The following PELI1 variants were observed in gnomAD, a reference collection of about 807,000 sequenced individuals.
The protein encoded by PELI1 is E3 ubiquitin-protein ligase pellino homolog 1.
In PELI1, 15 loss-of-function variants were observed where a neutral mutation model predicts 41.3. The ratio of observed to expected loss-of-function variants is 0.36; its 90% CI spans 0.24 to 0.56. The LOEUF (loss-of-function observed/expected upper bound fraction) is 0.56, where lower values mean the gene tolerates loss of function less well. PELI1 is among the 20% of genes least tolerant of loss of function. PELI1 has a pLI of 0.82. For missense variants in PELI1, 403 were observed against 525.5 expected (o/e 0.77, Z 2.28); for synonymous variants, 178 against 180.1 (o/e 0.99, Z 0.09).
At chr2:64,130,490 G>A (rs1681520842) in intron 1 of PELI1, among the ~76,000 whole-genome samples, 1 of 151,996 alleles carries the variant, frequency 6.6e-6, no homozygotes, top group African/African-American at 2.4e-5. Flanking sequence ...TCTTTTTTGA[G>A]CTCCCATAGT....
At chr2:64,125,316 C>A (rs1302905079) in intron 1 of PELI1, among the ~76,000 whole-genome samples, 1 of 152,108 alleles carries the variant, frequency 6.6e-6, no homozygotes, top group African/African-American at 2.4e-5. Context: ...CCCTAAGTTA[C>A]CTATTATGAT....
Position 64,093,219 on chromosome 2 carries a change from A to C in PELI1, c.*1483T>G, listed in dbSNP as rs1402773337. ...ACAAGTTTTGTTTTTTAAAAACCAA[A>C]AGAAAATTCAGAACAGTTTTGTAAT... On this transcript the variant is annotated 3_prime_UTR_variant, in exon 7 of 7. Coordinates refer to ENST00000358912, the MANE Select transcript of PELI1 (RefSeq NM_020651.4). The C allele has an allele frequency of 2.0e-5, 3 of 152,666 alleles. No individual in the cohort carries two copies. Among genetic ancestry groups the C allele is most frequent in the African/African-American group, 7.2e-5 (3 of 41,472 alleles). 9.5% of individuals were successfully genotyped at this position (152,666 alleles called of 1,614,324 possible). A position where few individuals can be genotyped will look rare whatever the true frequency, so the allele number is the denominator to read the frequency against.
At chr2:64,140,888 A>G (rs1681892773) in intron 1 of PELI1, among the ~76,000 whole-genome samples, 1 of 150,604 alleles carries the variant, frequency 6.6e-6, no homozygotes, top group Non-Finnish European at 1.5e-5. Context: ...AGGTTCCCAC[A>G]CATTAGTCTA....
chr2:64,117,754 A>G (rs977689958), intron 1 of PELI1, among the ~76,000 whole-genome samples: 17 of 152,316 alleles, frequency 1.1e-4, no homozygotes, highest in African/African-American at 4.1e-4. Context: ...TTGGGTCACA[A>G]AAAGTTTTCA....
At chr2:64,114,801 G>A (rs1049731237) in intron 1 of PELI1, among the ~76,000 whole-genome samples, 2 of 152,104 alleles carry the variant, frequency 1.3e-5, no homozygotes, top group African/African-American at 2.4e-5. Flanking sequence ...TTCTAGTTGT[G>A]ACTTTAAAAA....
At chr2:64,105,846 T>C (rs1356803088) in intron 2 of PELI1, among the ~76,000 whole-genome samples, 1 of 152,028 alleles carries the variant, frequency 6.6e-6, no homozygotes, top group East Asian at 1.9e-4. Flanking sequence ...CTACCATATG[T>C]AGTTGGTCAA....
At chr2:64,120,469 G>T (rs988251041) in intron 1 of PELI1, among the ~76,000 whole-genome samples, 1 of 152,196 alleles carries the variant, frequency 6.6e-6, no homozygotes, top group African/African-American at 2.4e-5. Flanking sequence ...GCAAATCATC[G>T]ATAATCTCCA....
In PELI1 at chr2:64,096,546, C is replaced by G. The variant is rs760071029; in HGVS notation, c.368G>C (p.Ser123Thr). 6.2e-7 allele frequency: 1 copy of G among 1,612,800 alleles called. No individual in the cohort carries two copies. The highest frequency in any genetic ancestry group is 1.1e-5 in the South Asian group (1 of 91,044). The change falls in exon 5 of 7, where the codon AGT becomes ACT. Residue 123 changes from serine to threonine, a missense_variant. By Grantham distance (58) the Ser-to-Thr change is moderately conservative. Coordinates refer to ENST00000358912, the MANE Select transcript of PELI1 (RefSeq NM_020651.4). Reference protein sequence around the residue: ...VVTDTVPGSQSNSDTQSVQST... With the variant: ...VVTDTVPGSQTNSDTQSVQST... The stretch of plus-strand genomic sequence containing the variant: ...TTGTACTGACTGTGTATCAGAATTA[C>G]TTTGACTTCCAGGAACCGTGTCAGT...
chr2:64,121,112 G>A (rs745816993), intron 1 of PELI1, among the ~76,000 whole-genome samples: 26 of 152,126 alleles, frequency 1.7e-4, no homozygotes, highest in Non-Finnish European at 2.8e-4. Flanking sequence ...ATAAATCTGC[G>A]CAGGTAGGCT....
At chr2:64,113,704 A>G (rs186117374) in intron 1 of PELI1, among the ~76,000 whole-genome samples, 457 of 152,266 alleles carry the variant, frequency 3.0e-3, no homozygotes, top group Non-Finnish European at 4.5e-3. Context: ...GTTACTCATA[A>G]AATATGTATT....
chr2:64,112,303 G>A (rs1680830394), intron 1 of PELI1, among the ~76,000 whole-genome samples: 1 of 152,136 alleles, frequency 6.6e-6, no homozygotes, highest in Admixed American at 6.5e-5. Context: ...AAAATGAAGG[G>A]ACTAAAGTGG....
chr2:64,104,685 T>C lies in PELI1; in HGVS notation c.201+16A>G. 1 of 1,259,320 alleles carries C rather than the reference T, an allele frequency of 7.9e-7. No individual in the cohort carries two copies. The highest frequency in any genetic ancestry group is 1.1e-6 in the Non-Finnish European group (1 of 940,274). The allele number at this position is 1,259,320 out of a possible 1,614,324, so 78.0% of individuals were successfully genotyped here. On this transcript the variant is annotated intron_variant, in intron 3 of 6. Transcript: ENST00000358912. The stretch of plus-strand genomic sequence containing the variant: ...TCTCCAAGTTAATTTATGTAGCTTT[T>C]TTTTTTTTTTTTTACCTTTGCAGCC...
intron 1 of PELI1, among the ~76,000 whole-genome samples, chr2:64,126,503 A>C (rs1681390994): frequency 6.6e-6 from 1 of 152,190 alleles, no homozygotes; most frequent in Non-Finnish European, 1.5e-5. Flanking sequence ...AGTCACCAAC[A>C]ACACAATTAC....
rs142982234 is a variant in PELI1 at position 64,092,841 on chromosome 2, C to G, written c.*1861G>C. On this transcript the variant is annotated 3_prime_UTR_variant, in exon 7 of 7. Coordinates refer to ENST00000358912, the MANE Select transcript of PELI1 (RefSeq NM_020651.4). The stretch of plus-strand genomic sequence containing the variant: ...TCTCGATTATGCAAAAATGAACTCA[C>G]AGAGACGAATTCAATTATGTATTTT... 35 of 152,284 alleles carry G rather than the reference C, an allele frequency of 2.3e-4. No individual in the cohort carries two copies. The highest frequency in any genetic ancestry group is 7.5e-4 in the African/African-American group (31 of 41,558). 9.4% of individuals were successfully genotyped at this position (152,284 alleles called of 1,614,324 possible). A position where few individuals can be genotyped will look rare whatever the true frequency, so the allele number is the denominator to read the frequency against.
chr2:64,111,693 A>T (rs2103697549), intron 1 of PELI1, among the ~76,000 whole-genome samples: 1 of 152,354 alleles, frequency 6.6e-6, no homozygotes, highest in South Asian at 2.1e-4. Flanking sequence ...TCAAGGTAAA[A>T]ACTGAAGTTT....
intron 1 of PELI1, among the ~76,000 whole-genome samples, chr2:64,140,789 AAAAAAAAAAACAAACAAAC>A (rs1171859770): frequency 2.3e-5 from 3 of 132,540 alleles, no homozygotes; most frequent in Non-Finnish European, 3.1e-5. Flanking sequence ...ACAACATGCA[AAAAAAAAAAACAAACAAAC>A]AAAAAAAAAC....
intron 1 of PELI1, among the ~76,000 whole-genome samples, chr2:64,132,461 T>C (rs756643527): frequency 1.3e-5 from 2 of 152,188 alleles, no homozygotes; most frequent in Non-Finnish European, 2.9e-5. Context: ...CTCAGAACCT[T>C]GAGATTAAGT....
In PELI1 at chr2:64,096,196, T is replaced by C. The variant is rs1680228394; in HGVS notation, c.619A>G (p.Arg207Gly). Residue 207 changes from arginine (R) to glycine (G), a missense_variant, in exon 6 of 7, where the codon AGA becomes GGA. Physicochemically the swap from Arg to Gly is moderately radical, Grantham distance 125. Coordinates refer to ENST00000358912, the MANE Select transcript of PELI1 (RefSeq NM_020651.4). ...ACATTTCCACACACCGATATTTCTCTCCATATTCCAGGCTTGGAGTCTTCT... is the reference window on the plus strand; with the variant it reads ...ACATTTCCACACACCGATATTTCTCCCCATATTCCAGGCTTGGAGTCTTCT... ...FTEDSKPGIW[R>G]EISVCGNVFS... 6.2e-7 allele frequency: 1 copy of C among 1,613,998 alleles called. No individual in the cohort carries two copies. The highest frequency in any genetic ancestry group is 1.3e-5 in the African/African-American group (1 of 74,922).
chr2:64,094,768 A>G lies in PELI1; in HGVS notation c.1191T>C (p.Phe397=), dbSNP rs761862624. The G allele has an allele frequency of 1.2e-6, 2 of 1,614,098 alleles. No homozygotes were observed. Among genetic ancestry groups the G allele is most frequent in the Non-Finnish European group, 1.7e-6 (2 of 1,180,030 alleles). ...GTTCACCAGCCAACTGATGTGCACA[A>G]AAGGGACAGGCTGCATGAAAAGTAT... ...GTHTFHAACP[F]CAHQLAGEQG... The change falls in exon 7 of 7, where the codon TTT becomes TTC. Residue 397 remains phenylalanine, a synonymous_variant. Coordinates refer to ENST00000358912, the MANE Select transcript of PELI1 (RefSeq NM_020651.4).
Sources: gnomAD v4.1 joint callset for allele counts (sites outside exome capture counted in the v4.1 genomes callset) on GRCh38, gnomAD v4.1.1 for gene constraint, MANE v1.5 for transcripts, NCBI Gene and HGNC (gene_info 2026-07-23, HGNC 2026-07-21) for gene names.